Variants in SIK3 observed in about 807,000 individuals in gnomAD.
The protein encoded by SIK3 is serine/threonine-protein kinase SIK3.
In SIK3, 28 loss-of-function variants were observed where a neutral mutation model predicts 144.2. That is an observed-to-expected ratio of 0.19 (90% CI 0.14 to 0.27). The LOEUF (loss-of-function observed/expected upper bound fraction) is 0.27. SIK3 is among the 10% of genes least tolerant of loss of function. The pLI, the probability that SIK3 is intolerant of heterozygous loss-of-function variation, is 1.00. For missense variants in SIK3, 1,319 were observed against 1,776.0 expected (o/e 0.74, Z 4.62); for synonymous variants, 686 against 676.3 (o/e 1.01, Z -0.22).
At chr11:116,852,006 T>C (rs1942492884) in intron 21 of SIK3, among the ~76,000 whole-genome samples, 1 of 152,234 alleles carries the variant, frequency 6.6e-6, no homozygotes, top group African/African-American at 2.4e-5. Context: ...GATTATATAG[T>C]TGGATGCAAA....
intron 6 of SIK3, among the ~76,000 whole-genome samples, chr11:116,887,245 T>TA (rs5795056): frequency 0.1 from 10,796 of 103,452 alleles, 581 homozygotes; most frequent in South Asian, 0.15. Flanking sequence ...GTCTCTACAC[T>TA]AAAAAAAAAA....
chr11:117,024,317 TAAAA>T (rs201592688), intron 1 of SIK3, among the ~76,000 whole-genome samples: 9 of 132,154 alleles, frequency 6.8e-5, no homozygotes, highest in African/African-American at 1.1e-4. Flanking sequence ...ACACAGTCTT[TAAAA>T]AAAAAAAAAA....
intron 6 of SIK3, among the ~76,000 whole-genome samples, chr11:116,877,912 C>G (rs1420757138): frequency 1.3e-5 from 2 of 152,158 alleles, no homozygotes; most frequent in Admixed American, 1.3e-4. Flanking sequence ...ATTTAATCTA[C>G]ACAGCAATCC....
At chr11:116,931,574 G>A (rs1947604998) in intron 3 of SIK3, among the ~76,000 whole-genome samples, 1 of 152,180 alleles carries the variant, frequency 6.6e-6, no homozygotes, top group Non-Finnish European at 1.5e-5. Flanking sequence ...GCAATAGGCA[G>A]AAATACCACA....
At chr11:116,859,628 T>G (rs757483388) in intron 19 of SIK3, 24 bp from the exon 20 acceptor site, 1 of 1,601,640 alleles carries the variant, frequency 6.2e-7, no homozygotes, top group Non-Finnish European at 8.5e-7. Flanking sequence ...AACCTCAGAG[T>G]GACCAAGTGC....
intron 1 of SIK3, among the ~76,000 whole-genome samples, chr11:117,003,579 GC>G (rs2135628082): frequency 6.6e-6 from 1 of 152,128 alleles, no homozygotes; most frequent in Admixed American, 6.5e-5. Flanking sequence ...ATCACTTGAG[GC>G]CAGGAGTTCA....
chr11:116,954,224 G>T, intron 2 of SIK3, 117 bp from the exon 3 acceptor site: 1 of 722,272 alleles, frequency 1.4e-6, no homozygotes, highest in Non-Finnish European at 2.3e-6. Flanking sequence ...ATAGATTAAA[G>T]AAAATTTAAA....
intron 1 of SIK3, among the ~76,000 whole-genome samples, chr11:117,066,833 C>T (rs147777454): frequency 0.011 from 1,631 of 152,178 alleles, 29 homozygotes; most frequent in Admixed American, 0.016. Flanking sequence ...CCACTGTGCC[C>T]GGTCAGCCCA....
intron 1 of SIK3, among the ~76,000 whole-genome samples, chr11:116,966,896 T>C (rs183143370): frequency 2.2e-4 from 33 of 150,014 alleles, no homozygotes; most frequent in African/African-American, 7.6e-4. Context: ...CCCCAGCTAC[T>C]TGGGAGGCTG....
chr11:116,878,600 G>A (rs139650524), intron 6 of SIK3, among the ~76,000 whole-genome samples: 1 of 152,004 alleles, frequency 6.6e-6, no homozygotes, highest in South Asian at 2.1e-4. Flanking sequence ...GGCTGGTCTC[G>A]AACAACTGAC....
chr11:116,909,112 AAAC>A (rs1440895401), intron 4 of SIK3, among the ~76,000 whole-genome samples: 2 of 152,218 alleles, frequency 1.3e-5, no homozygotes, highest in Non-Finnish European at 2.9e-5. Flanking sequence ...GCAGCTATAC[AAAC>A]AACATGGATA....
chr11:116,869,816 G>A (rs148367034), intron 14 of SIK3: 38 of 283,326 alleles, frequency 1.3e-4, no homozygotes, highest in African/African-American at 7.3e-4. Context: ...TCCCTGGCCC[G>A]AATCCCATAT....
Position 116,915,801 on chromosome 11 carries a change from C to T in SIK3, c.616+11418G>A, listed in dbSNP as rs76005453. Among the ~76,000 whole-genome samples the T allele has an allele frequency of 7.9e-3, 1,199 of 152,238 alleles. 21 individuals are homozygous for T. The highest frequency in any genetic ancestry group is 0.026 in the African/African-American group (1,099 of 41,516). On this transcript the variant is annotated intron_variant, in intron 4 of 24. Coordinates refer to ENST00000445177, the MANE Select transcript of SIK3 (RefSeq NM_001366686.3). The stretch of plus-strand genomic sequence containing the variant: ...TTTTTATCCTCATCAATTTGAATTT[C>T]AACATTAGTGTTCTTTATGCTTTAT...
At chr11:116,891,122 CAG>C (rs145636408) in intron 6 of SIK3, among the ~76,000 whole-genome samples, 2,002 of 152,150 alleles carry the variant, frequency 0.013, 55 homozygotes, top group African/African-American at 0.045. Flanking sequence ...GCTTGGTCAA[CAG>C]AGAGAGAGTC....
In SIK3 at chr11:117,021,928, C is replaced by CAAAAAAAAAAAAAAA. The variant is rs71037444; in HGVS notation, c.274-64879_274-64865dup. Among the ~76,000 whole-genome samples the CAAAAAAAAAAAAAAA allele has an allele frequency of 5.1e-4, 30 of 59,002 alleles. 2 individuals are homozygous for CAAAAAAAAAAAAAAA. Among genetic ancestry groups the CAAAAAAAAAAAAAAA allele is most frequent in the South Asian group, 7.2e-4 (1 of 1,382 alleles). The allele number at this position is 59,002 out of a possible 152,430, so 38.7% of individuals were successfully genotyped here. A position where few individuals can be genotyped will look rare whatever the true frequency, so the allele number is the denominator to read the frequency against. On this transcript the variant is annotated intron_variant, in intron 1 of 24. Transcript: ENST00000445177. ...ATAGCACAGTGAGCCTCTGTCTCTA[C>CAAAAAAAAAAAAAAA]AAAAAAAAAAAAAAAAAAAAAAAAA...
At chr11:116,974,189 T>C (rs1328914640) in intron 1 of SIK3, among the ~76,000 whole-genome samples, 1 of 152,270 alleles carries the variant, frequency 6.6e-6, no homozygotes, top group Non-Finnish European at 1.5e-5. Context: ...AACATCATAA[T>C]GGAATGCTCT....
In SIK3 at chr11:116,927,201, CCT is replaced by C; in HGVS notation, c.616+16_616+17del. 1 of 1,607,352 alleles carries C rather than the reference CCT, an allele frequency of 6.2e-7. No homozygotes were observed. Among genetic ancestry groups the C allele is most frequent in the Non-Finnish European group, 8.5e-7 (1 of 1,175,270 alleles). On this transcript the variant is annotated intron_variant, in intron 4 of 24. Transcript: ENST00000445177. ...AAGCTCCTTTGTCCCTATCTGACAT[CCT>C]CAGTACAGTTCTCACCTGCTATTTT...
chr11:117,043,328 T>C (rs1952823875), intron 1 of SIK3, among the ~76,000 whole-genome samples: 1 of 152,142 alleles, frequency 6.6e-6, no homozygotes, highest in Admixed American at 6.6e-5. Flanking sequence ...TTAAAACATA[T>C]ATATCATCTA....
At chr11:116,968,291 C>T (rs1309760843) in intron 1 of SIK3, among the ~76,000 whole-genome samples, 7 of 152,096 alleles carry the variant, frequency 4.6e-5, no homozygotes, top group Non-Finnish European at 2.9e-5. Flanking sequence ...TACAGGCGCG[C>T]ACCACCATGC....
Sources: allele counts gnomAD v4.1 joint callset (sites outside exome capture counted in the v4.1 genomes callset), GRCh38; gene constraint gnomAD v4.1.1; transcripts MANE v1.5; gene names NCBI Gene and HGNC (gene_info 2026-07-23, HGNC 2026-07-21).